KCNB2: variants seen among roughly 807,000 people sequenced by gnomAD.
The protein encoded by KCNB2 is delayed rectifier potassium channel protein.
KCNB2 carries 15 observed loss-of-function variants against 61.5 expected under a neutral mutation model. The observed-to-expected ratio is 0.24, with a 90% CI of 0.16 to 0.38. The LOEUF is 0.38. Ranked by LOEUF, KCNB2 falls within the 10% of genes least tolerant of loss-of-function variation. KCNB2 has a pLI of 1.00. For synonymous variants in KCNB2, 457 were observed against 446.0 expected, an observed-to-expected ratio of 1.02 and a Z score of -0.31; for missense variants, 828 against 1,125.2, an observed-to-expected ratio of 0.74 and a Z score of 3.78.
chr8:72,662,116 C>T (rs1269754051), intron 2 of KCNB2, among the ~76,000 whole-genome samples: 1 of 152,130 alleles, frequency 6.6e-6, no homozygotes, highest in African/African-American at 2.4e-5. Flanking sequence ...ATTAAACATC[C>T]TACCATGACT....
intron 2 of KCNB2, among the ~76,000 whole-genome samples, chr8:72,644,662 G>A (rs1806102815): frequency 6.6e-6 from 1 of 152,128 alleles, no homozygotes; most frequent in Non-Finnish European, 1.5e-5. Flanking sequence ...AATTTAATAT[G>A]TGTCAAGTGT....
intron 2 of KCNB2, among the ~76,000 whole-genome samples, chr8:72,630,064 T>C (rs1805856170): frequency 6.6e-6 from 1 of 152,196 alleles, no homozygotes; most frequent in Non-Finnish European, 1.5e-5. Flanking sequence ...TTATAACCAG[T>C]TGTATGCTGG....
intron 2 of KCNB2, among the ~76,000 whole-genome samples, chr8:72,921,245 C>G (rs982048920): frequency 3.3e-5 from 5 of 151,994 alleles, no homozygotes; most frequent in Admixed American, 1.3e-4. Context: ...ACTGTTTACC[C>G]TTTCTTATGT....
intron 2 of KCNB2, among the ~76,000 whole-genome samples, chr8:72,579,711 A>G (rs1806860953): frequency 6.6e-6 from 1 of 152,196 alleles, no homozygotes; most frequent in Admixed American, 6.5e-5. Context: ...GATACCTAAT[A>G]CAGTAACAGA....
intron 2 of KCNB2, among the ~76,000 whole-genome samples, chr8:72,685,514 G>A (rs190477545): frequency 7.7e-4 from 118 of 152,278 alleles, no homozygotes; most frequent in Non-Finnish European, 6.2e-4. Context: ...TAAAAATGAG[G>A]AGTGATGGGT....
intron 2 of KCNB2, among the ~76,000 whole-genome samples, chr8:72,649,542 C>A (rs1399148333): frequency 6.6e-6 from 1 of 152,122 alleles, no homozygotes; most frequent in African/African-American, 2.4e-5. Flanking sequence ...CAGTATCATG[C>A]AATATACTCA....
chr8:72,560,029 A>G (rs952481904), intron 1 of KCNB2, among the ~76,000 whole-genome samples: 4 of 152,222 alleles, frequency 2.6e-5, no homozygotes, highest in African/African-American at 9.6e-5. Context: ...ATAAAGCATG[A>G]CATAATACTT....
chr8:72,639,239 G>T (rs1436668205), intron 2 of KCNB2, among the ~76,000 whole-genome samples: 1 of 152,088 alleles, frequency 6.6e-6, no homozygotes, highest in Non-Finnish European at 1.5e-5. Flanking sequence ...ACCCTGGGCT[G>T]CATAACTCCT....
At chr8:72,678,392 G>A (rs1311391090) in intron 2 of KCNB2, among the ~76,000 whole-genome samples, 2 of 152,104 alleles carry the variant, frequency 1.3e-5, no homozygotes, top group African/African-American at 4.8e-5. Flanking sequence ...GTCCTGCAGG[G>A]TCCATGTGAC....
intron 2 of KCNB2, among the ~76,000 whole-genome samples, chr8:72,607,046 G>T (rs1805462026): frequency 6.6e-6 from 1 of 152,156 alleles, no homozygotes; most frequent in African/African-American, 2.4e-5. Flanking sequence ...ATAGAGTGGT[G>T]GACTGTACTG....
chr8:72,557,904 T>G (rs1277555463), intron 1 of KCNB2, among the ~76,000 whole-genome samples: 2 of 152,206 alleles, frequency 1.3e-5, no homozygotes, highest in Admixed American at 6.5e-5. Context: ...ACACAGGCCT[T>G]GTTAAAGTTG....
intron 2 of KCNB2, among the ~76,000 whole-genome samples, chr8:72,735,002 G>A (rs1050470618): frequency 7.2e-5 from 11 of 152,136 alleles, no homozygotes; most frequent in African/African-American, 2.7e-4. Context: ...CCACTCAAAG[G>A]ACAAGATGCA....
intron 2 of KCNB2, among the ~76,000 whole-genome samples, chr8:72,718,041 C>T (rs1255260425): frequency 1.3e-5 from 2 of 151,932 alleles, no homozygotes; most frequent in Non-Finnish European, 2.9e-5. Flanking sequence ...GACATTTATG[C>T]AGCCAAAAAA....
intron 2 of KCNB2, among the ~76,000 whole-genome samples, chr8:72,925,926 C>T (rs989920979): frequency 6.6e-6 from 1 of 152,052 alleles, no homozygotes; most frequent in African/African-American, 2.4e-5. Flanking sequence ...TAAAAAGGAA[C>T]GAGATCATGT....
intron 2 of KCNB2, among the ~76,000 whole-genome samples, chr8:72,776,637 G>T (rs1247809029): frequency 6.6e-6 from 1 of 152,190 alleles, no homozygotes; most frequent in Non-Finnish European, 1.5e-5. Context: ...CATATGTGGG[G>T]TAGGGACTTG....
intron 1 of KCNB2, among the ~76,000 whole-genome samples, chr8:72,551,447 C>T (rs1806343331): frequency 2.0e-5 from 3 of 152,118 alleles, no homozygotes; most frequent in Admixed American, 2.0e-4. Context: ...TCAGGCCCCA[C>T]TCATCCTTTG....
intron 2 of KCNB2, among the ~76,000 whole-genome samples, chr8:72,725,541 G>GTATATA (rs1484909320): frequency 3.9e-4 from 29 of 74,690 alleles, no homozygotes; most frequent in African/African-American, 1.4e-3. Context: ...ATATATATAT[G>GTATATA]TGTGTATATA....
chr8:72,884,236 C>G (rs552738533), intron 2 of KCNB2, among the ~76,000 whole-genome samples: 1 of 152,064 alleles, frequency 6.6e-6, no homozygotes, highest in African/African-American at 2.4e-5. Flanking sequence ...ATTGTCTATT[C>G]CTTTATTTTC....
rs57922558 is a variant in KCNB2, at chr8:72,666,336, G to GA, written c.579+98029dup. On this transcript the variant is annotated intron_variant, in intron 2 of 2. Transcript: ENST00000523207. ...AGTTCTTTCTGCTGCTTAAAAGAGG[G>GA]AAAAAAGGCCCTTCCACTTTATTTT... Among the ~76,000 whole-genome samples, 4 of 151,828 alleles carry GA rather than the reference G, an allele frequency of 2.6e-5. No individual in the cohort carries two copies. The South Asian group carries it at 8.3e-4, about 32-fold the overall frequency.
Sources: allele counts gnomAD v4.1 joint callset (sites outside exome capture counted in the v4.1 genomes callset), GRCh38; gene constraint gnomAD v4.1.1; transcripts MANE v1.5; gene names NCBI Gene and HGNC (gene_info 2026-07-23, HGNC 2026-07-21).